Variants in GRIA3 observed in about 807,000 individuals in gnomAD.
GRIA3 encodes the protein glutamate ionotropic receptor AMPA type subunit 3, also known as glutamate receptor 3.
Under a neutral mutation model 63.0 loss-of-function variants are expected in GRIA3, and 3 were observed. The observed-to-expected ratio is 0.05, with a 90% CI of 0.02 to 0.12. The LOEUF (loss-of-function observed/expected upper bound fraction) is 0.12, where lower values mean the gene tolerates loss of function less well. GRIA3 is among the 10% of genes least tolerant of loss of function. GRIA3 has a pLI of 1.00. For synonymous variants in GRIA3, 274 were observed against 257.9 expected (o/e 1.06, Z -0.60); for missense variants, 347 against 700.9 (o/e 0.50, Z 5.70).
chrX:123,219,731 G>C, intron 2 of GRIA3, among the ~76,000 whole-genome samples: 1 of 112,156 alleles, frequency 8.9e-6, no homozygotes, highest in Non-Finnish European at 1.9e-5. Context: ...GGGCCTCCGG[G>C]TCCTTGCTCC....
intron 3 of GRIA3, among the ~76,000 whole-genome samples, chrX:123,263,059 T>G (rs1193602412): frequency 8.9e-6 from 1 of 112,215 alleles, no homozygotes. Context: ...AGGGAAATAC[T>G]GGCAAAATCC....
At chrX:123,302,158 T>C (rs1433519520) in intron 3 of GRIA3, among the ~76,000 whole-genome samples, 1 of 111,979 alleles carries the variant, frequency 8.9e-6, no homozygotes, top group Non-Finnish European at 1.9e-5. Flanking sequence ...TGGAATCGGA[T>C]CTTAGACATA....
At chrX:123,191,519 G>A (rs775028677) in intron 2 of GRIA3, among the ~76,000 whole-genome samples, 29 of 111,578 alleles carry the variant, frequency 2.6e-4, no homozygotes, top group African/African-American at 9.1e-4. Context: ...AGGTTAACAT[G>A]GATAGAAATT....
intron 2 of GRIA3, among the ~76,000 whole-genome samples, chrX:123,216,885 ATC>A (rs1928171881): frequency 1.8e-5 from 2 of 111,968 alleles, no homozygotes; most frequent in African/African-American, 6.5e-5. Flanking sequence ...TAAGTATGCC[ATC>A]TCAAAGGAAA....
At chrX:123,272,394 T>C (rs948618676) in intron 3 of GRIA3, among the ~76,000 whole-genome samples, 1 of 112,182 alleles carries the variant, frequency 8.9e-6, no homozygotes, top group African/African-American at 3.2e-5. Flanking sequence ...TTCTAGGCCT[T>C]CACCTTTGAG....
intron 3 of GRIA3, among the ~76,000 whole-genome samples, chrX:123,309,818 C>T (rs1346223010): frequency 9.0e-6 from 1 of 111,714 alleles, no homozygotes; most frequent in East Asian, 2.8e-4. Flanking sequence ...GGTGGGGTCT[C>T]CAAGCTAAAG....
chrX:123,245,227 G>A (rs948961758), intron 2 of GRIA3, among the ~76,000 whole-genome samples: 4 of 112,155 alleles, frequency 3.6e-5, no homozygotes, highest in African/African-American at 6.5e-5. Flanking sequence ...AAGAAACAGG[G>A]ACAACGGGAG....
At chrX:123,341,235 G>C (rs1296067587) in intron 4 of GRIA3, among the ~76,000 whole-genome samples, 1 of 111,756 alleles carries the variant, frequency 8.9e-6, no homozygotes, top group Admixed American at 9.5e-5. Context: ...TGGAATTAAG[G>C]GGAAACAAAA....
chrX:123,329,589 TTATAGA>T (rs1378209344), intron 4 of GRIA3, among the ~76,000 whole-genome samples: 5 of 111,927 alleles, frequency 4.5e-5, no homozygotes, highest in Non-Finnish European at 5.6e-5. Flanking sequence ...CATTCTAAAC[TTATAGA>T]TATAAGAATT....
chrX:123,420,916 AT>A (rs917375016), intron 11 of GRIA3, among the ~76,000 whole-genome samples: 6 of 110,827 alleles, frequency 5.4e-5, no homozygotes, highest in South Asian at 3.8e-4. Flanking sequence ...GGCTTTCAAA[AT>A]TTTTTTTACC....
rs944091266 is a variant in GRIA3 at position 123,354,223 on chromosome X, C to A, written c.697-687C>A. On this transcript the variant is annotated intron_variant, in intron 4 of 15. Coordinates refer to ENST00000620443, the MANE Select transcript of GRIA3 (RefSeq NM_007325.5). ...AGCATTGTAGGATGTCTAGCGACATCCTTGGCCATTACTCACTAAATGCTA... is the reference window on the plus strand; with the variant it reads ...AGCATTGTAGGATGTCTAGCGACATACTTGGCCATTACTCACTAAATGCTA... Among the ~76,000 whole-genome samples the A allele has an allele frequency of 3.6e-5, 4 of 110,734 alleles. 1 individual carries two copies. Among genetic ancestry groups the A allele is most frequent in the African/African-American group, 6.6e-5 (2 of 30,415 alleles).
intron 5 of GRIA3, among the ~76,000 whole-genome samples, chrX:123,376,904 T>G (rs1188712897): frequency 4.6e-5 from 5 of 108,133 alleles, no homozygotes. Flanking sequence ...ATTCCTCTTC[T>G]TATCACTCCC....
intron 5 of GRIA3, among the ~76,000 whole-genome samples, chrX:123,368,423 G>A (rs979439635): frequency 9.0e-6 from 1 of 110,722 alleles, no homozygotes; most frequent in South Asian, 3.9e-4. Flanking sequence ...TTTACCTCTC[G>A]GGTCTGGGTA....
chrX:123,185,982 C>A lies in GRIA3; in HGVS notation c.260C>A (p.Thr87Lys). ...GATTCCTCCAATAGTTTTTCCGTGA[C>A]AAATGCTTGTAAGTAGATCTGCTTT... ...HLDSSNSFSV[T>K]NAFCSQFSRG... The change falls in exon 2 of 16, where the codon ACA becomes AAA. Residue 87 changes from threonine (T) to lysine (K), a missense_variant. Thr to Lys is a moderately conservative substitution (Grantham distance 78). Around this residue, in one of 8 missense-constraint regions of GRIA3, gnomAD observed 29 missense variants for 69.4 expected, o/e 0.42. Coordinates refer to ENST00000620443, the MANE Select transcript of GRIA3 (RefSeq NM_007325.5). 1 of 1,204,684 alleles carries A rather than the reference C, an allele frequency of 8.3e-7. No individual in the cohort carries two copies. Among genetic ancestry groups the A allele is most frequent in the Non-Finnish European group, 1.1e-6 (1 of 889,730 alleles).
At chrX:123,301,363 G>A (rs1342208044) in intron 3 of GRIA3, among the ~76,000 whole-genome samples, 2 of 111,005 alleles carry the variant, frequency 1.8e-5, no homozygotes, top group East Asian at 5.7e-4. Context: ...TGTATTAGGC[G>A]CACATATGTT....
chrX:123,331,538 T>C (rs1447065640), intron 4 of GRIA3, among the ~76,000 whole-genome samples: 3 of 111,225 alleles, frequency 2.7e-5, no homozygotes, highest in African/African-American at 6.5e-5. Context: ...AAAAATGTTA[T>C]AGCTACATGC....
chrX:123,197,680 ACT>A (rs999110390), intron 2 of GRIA3, among the ~76,000 whole-genome samples: 6 of 111,724 alleles, frequency 5.4e-5, no homozygotes, highest in African/African-American at 2.0e-4. Flanking sequence ...ATATTCATCT[ACT>A]CTCTGCCTTT....
intron 2 of GRIA3, among the ~76,000 whole-genome samples, chrX:123,240,189 T>C (rs2044322218): frequency 1.8e-5 from 2 of 111,903 alleles, no homozygotes; most frequent in Admixed American, 1.9e-4. Flanking sequence ...CACCCTATGC[T>C]TGTCAGATGG....
At chrX:123,250,336 C>A in intron 2 of GRIA3, among the ~76,000 whole-genome samples, 1 of 111,708 alleles carries the variant, frequency 9.0e-6, no homozygotes, top group East Asian at 2.8e-4. Context: ...TAATTCTGCA[C>A]CCCGAGTTCA....
Sources: gnomAD v4.1 joint callset for allele counts (sites outside exome capture counted in the v4.1 genomes callset) on GRCh38, gnomAD v4.1.1 for gene constraint, gnomAD v4.1.1 regional missense constraint, MANE v1.5 for transcripts, NCBI Gene and HGNC (gene_info 2026-07-23, HGNC 2026-07-21) for gene names.